Variants in CLYBL observed in about 807,000 individuals in gnomAD.
CLYBL encodes citramalyl-CoA lyase, mitochondrial.
In CLYBL, 31 loss-of-function variants were observed where a neutral mutation model predicts 38.9. That is an observed-to-expected ratio of 0.80 (90% CI 0.60 to 1.08). The LOEUF is 1.08. CLYBL is among the 50% of genes least tolerant of loss of function. The pLI is 0.00. For synonymous variants in CLYBL, 171 were observed against 158.6 expected (o/e 1.08, Z -0.59); for missense variants, 434 against 411.6 (o/e 1.05, Z -0.47).
chr13:99,629,388 C>T (rs2046912139), intron 1 of CLYBL, among the ~76,000 whole-genome samples: 1 of 152,218 alleles, frequency 6.6e-6, no homozygotes, highest in Non-Finnish European at 1.5e-5. Flanking sequence ...CCCCATCTAT[C>T]CGCCTTCCCC....
intron 2 of CLYBL, among the ~76,000 whole-genome samples, chr13:99,836,228 T>C (rs1476923648): frequency 6.6e-6 from 1 of 151,922 alleles, no homozygotes; most frequent in African/African-American, 2.4e-5. Flanking sequence ...GGAGCGTTGG[T>C]TGGTGAGGCG....
intron 2 of CLYBL, among the ~76,000 whole-genome samples, chr13:99,799,389 A>ACACACACACG (rs755108984): frequency 3.5e-4 from 53 of 152,100 alleles, no homozygotes; most frequent in African/African-American, 1.1e-3. Flanking sequence ...ACACACACAC[A>ACACACACACG]CACATACACA....
At chr13:99,722,114 C>T (rs982503295) in intron 1 of CLYBL, among the ~76,000 whole-genome samples, 4 of 152,252 alleles carry the variant, frequency 2.6e-5, no homozygotes, top group Admixed American at 2.0e-4. Context: ...TCAAGCCAGA[C>T]CTCAGGCCTC....
At chr13:99,902,192 G>C (rs1198680289) in intron 8 of CLYBL, among the ~76,000 whole-genome samples, 1 of 152,036 alleles carries the variant, frequency 6.6e-6, no homozygotes, top group Non-Finnish European at 1.5e-5. Flanking sequence ...TATTCCTTTT[G>C]GGGGAGATAT....
At chr13:99,729,803 C>T (rs1566304389) in intron 1 of CLYBL, among the ~76,000 whole-genome samples, 1 of 152,220 alleles carries the variant, frequency 6.6e-6, no homozygotes, top group African/African-American at 2.4e-5. Context: ...CTCCTGACTC[C>T]CTGGTGCCAC....
chr13:99,856,682 A>T (rs547167285), intron 2 of CLYBL, among the ~76,000 whole-genome samples: 1 of 152,126 alleles, frequency 6.6e-6, no homozygotes, highest in East Asian at 1.9e-4. Context: ...TCTGTGTCCT[A>T]TGCTGGAGTG....
At chr13:99,756,082 A>G (rs9557290) in intron 1 of CLYBL, among the ~76,000 whole-genome samples, 19,245 of 152,156 alleles carry the variant, frequency 0.13, 1,690 homozygotes, top group East Asian at 0.39. Context: ...TGAAGCTCCT[A>G]GTTCAGCAGG....
Position 99,716,304 on chromosome 13 carries a change from C to T in CLYBL, c.63-56520C>T, listed in dbSNP as rs1297044959. Among the ~76,000 whole-genome samples, 10 of 147,928 alleles carry T rather than the reference C, an allele frequency of 6.8e-5. 1 individual carries two copies. The highest frequency in any genetic ancestry group is 5.4e-4 in the Admixed American group (8 of 14,844). ...GAAATACTGGTGTGCGCCACCATGCCCGGCAGACGTCATTTTTCAGTTTGC... is the reference window on the plus strand; with the variant it reads ...GAAATACTGGTGTGCGCCACCATGCTCGGCAGACGTCATTTTTCAGTTTGC... On this transcript the variant is annotated intron_variant, in intron 1 of 8. Transcript: ENST00000339105.
At chr13:99,828,940 T>G (rs1292999071) in intron 2 of CLYBL, among the ~76,000 whole-genome samples, 2 of 152,106 alleles carry the variant, frequency 1.3e-5, no homozygotes, top group Non-Finnish European at 2.9e-5. Context: ...GACCCTAGAT[T>G]GGCAGGGATT....
chr13:99,669,507 A>G (rs1289526936), intron 1 of CLYBL, among the ~76,000 whole-genome samples: 1 of 152,064 alleles, frequency 6.6e-6, no homozygotes, highest in Non-Finnish European at 1.5e-5. Context: ...AAAAAGTTAG[A>G]TATTCCAAAG....
intron 9 of CLYBL, among the ~76,000 whole-genome samples, chr13:99,905,715 GT>G (rs1399337207): frequency 4.9e-4 from 39 of 78,904 alleles, no homozygotes; most frequent in African/African-American, 1.6e-3. Flanking sequence ...TTTGGTTGTT[GT>G]TTTTGCTTTT....
At chr13:99,619,630 A>G (rs1051715464) in intron 1 of CLYBL, among the ~76,000 whole-genome samples, 4 of 152,228 alleles carry the variant, frequency 2.6e-5, no homozygotes, top group East Asian at 1.9e-4. Flanking sequence ...TAACTCTGCT[A>G]TAGGCAGGAA....
chr13:99,720,094 A>AT (rs57285548), intron 1 of CLYBL, among the ~76,000 whole-genome samples: 11,192 of 149,244 alleles, frequency 0.075, 793 homozygotes, highest in African/African-American at 0.19. Flanking sequence ...AGTTCTCTTT[A>AT]TTTTTTTTAA....
At chr13:99,755,135 G>A (rs1232463953) in intron 1 of CLYBL, among the ~76,000 whole-genome samples, 1 of 152,076 alleles carries the variant, frequency 6.6e-6, no homozygotes, top group East Asian at 1.9e-4. Flanking sequence ...CTGACCTCGT[G>A]ATCCGCCCGC....
intron 2 of CLYBL, among the ~76,000 whole-genome samples, chr13:99,786,497 G>A (rs2049798750): frequency 1.3e-5 from 2 of 152,054 alleles, no homozygotes; most frequent in South Asian, 4.2e-4. Context: ...AAGAAAGATG[G>A]TTTCCAGCTT....
intron 2 of CLYBL, among the ~76,000 whole-genome samples, chr13:99,815,829 A>G (rs1293277047): frequency 6.6e-6 from 1 of 152,218 alleles, no homozygotes; most frequent in Non-Finnish European, 1.5e-5. Flanking sequence ...GTGAGCCAAG[A>G]TCGCGCCACT....
chr13:99,705,477 G>T (rs2048133025), intron 1 of CLYBL, among the ~76,000 whole-genome samples: 1 of 152,112 alleles, frequency 6.6e-6, no homozygotes, highest in African/African-American at 2.4e-5. Flanking sequence ...CTACTTGGGA[G>T]GCTGAGGCAG....
chr13:99,905,975 T>A (rs1704527809), intron 9 of CLYBL, among the ~76,000 whole-genome samples: 1 of 152,148 alleles, frequency 6.6e-6, no homozygotes. Flanking sequence ...GGTCTCACCA[T>A]GTTGCCCAGT....
At chr13:99,758,850 A>G (rs1050392775) in intron 1 of CLYBL, among the ~76,000 whole-genome samples, 1 of 152,200 alleles carries the variant, frequency 6.6e-6, no homozygotes, top group Non-Finnish European at 1.5e-5. Context: ...TCTGATTCAC[A>G]GGCTGTTCTT....
Sources: allele counts gnomAD v4.1 joint callset (sites outside exome capture counted in the v4.1 genomes callset), GRCh38; gene constraint gnomAD v4.1.1; transcripts MANE v1.5; gene names NCBI Gene and HGNC (gene_info 2026-07-23, HGNC 2026-07-21).